Variants in HECW1 observed in about 807,000 individuals in gnomAD.
The protein encoded by HECW1 is HECT, C2 and WW domain containing E3 ubiquitin protein ligase 1.
A neutral mutation model predicts 182.3 loss-of-function variants in HECW1; 61 were observed. That is an observed-to-expected ratio of 0.33 (90% CI 0.27 to 0.41). The LOEUF (loss-of-function observed/expected upper bound fraction) is 0.41, where lower values mean the gene tolerates loss of function less well. HECW1 is among the 10% of genes least tolerant of loss of function. HECW1 has a pLI of 1.00. For missense variants in HECW1, 1,739 were observed against 2,108.9 expected (o/e 0.82, Z 3.44); for synonymous variants, 859 against 832.6 (o/e 1.03, Z -0.55).
At chr7:43,280,107 C>G (rs1008908767) in intron 3 of HECW1, among the ~76,000 whole-genome samples, 1 of 152,192 alleles carries the variant, frequency 6.6e-6, no homozygotes, top group African/African-American at 2.4e-5. Flanking sequence ...TGATAAATCT[C>G]TGTCCCAGAT....
At chr7:43,545,053 C>G (rs1245107922) in intron 26 of HECW1, among the ~76,000 whole-genome samples, 1 of 152,114 alleles carries the variant, frequency 6.6e-6, no homozygotes, top group Non-Finnish European at 1.5e-5. Context: ...CTCTTGAAGC[C>G]AGGAGTTCAA....
At chr7:43,555,775 A>G (rs1195713868) in intron 29 of HECW1, among the ~76,000 whole-genome samples, 1 of 152,182 alleles carries the variant, frequency 6.6e-6, no homozygotes, top group East Asian at 1.9e-4. Flanking sequence ...CCCTGGCTTC[A>G]CCCACTCAGT....
chr7:43,140,341 G>A (rs1788026471), intron 2 of HECW1, among the ~76,000 whole-genome samples: 1 of 152,176 alleles, frequency 6.6e-6, no homozygotes, highest in African/African-American at 2.4e-5. Context: ...AGGCCATAGA[G>A]GTGCTTCTTG....
chr7:43,274,066 G>C, intron 3 of HECW1: 2 of 330,834 alleles, frequency 6.0e-6, no homozygotes, highest in Admixed American at 4.9e-5. Flanking sequence ...GACCAGGCTG[G>C]TCTCGAACTC....
chr7:43,446,429 C>G (rs757600319), intron 11 of HECW1, among the ~76,000 whole-genome samples: 1 of 152,164 alleles, frequency 6.6e-6, no homozygotes, highest in African/African-American at 2.4e-5. Context: ...TGAAAAGTCA[C>G]ATAATAATAT....
chr7:43,527,453 T>G (rs2080803201), intron 24 of HECW1, among the ~76,000 whole-genome samples: 1 of 152,200 alleles, frequency 6.6e-6, no homozygotes, highest in Non-Finnish European at 1.5e-5. Flanking sequence ...CTCCAGTCTC[T>G]GCCTCTGTCT....
chr7:43,123,929 A>AATGAACCATTTAAGCTATAT (rs1444095389), intron 2 of HECW1, among the ~76,000 whole-genome samples: 10 of 152,246 alleles, frequency 6.6e-5, no homozygotes, highest in Non-Finnish European at 1.0e-4. Context: ...GAAAGTGTTT[A>AATGAACCATTTAAGCTATAT]ATGAACCATT....
chr7:43,542,673 T>A (rs542533938), intron 26 of HECW1, among the ~76,000 whole-genome samples: 4 of 152,274 alleles, frequency 2.6e-5, no homozygotes, highest in Non-Finnish European at 4.4e-5. Flanking sequence ...TCTGTTCAAG[T>A]CCCTGCTGTA....
chr7:43,268,166 A>C (rs977930883), intron 3 of HECW1, among the ~76,000 whole-genome samples: 1 of 151,992 alleles, frequency 6.6e-6, no homozygotes, highest in Non-Finnish European at 1.5e-5. Flanking sequence ...GTGTGTGCAG[A>C]GTCTCTGCCC....
At chr7:43,404,111 A>G (rs910945216) in intron 7 of HECW1, among the ~76,000 whole-genome samples, 3 of 152,260 alleles carry the variant, frequency 2.0e-5, no homozygotes, top group Non-Finnish European at 4.4e-5. Context: ...ACAAATTTCA[A>G]CAATGAGTGT....
At chr7:43,164,760 C>T (rs1456865323) in intron 2 of HECW1, among the ~76,000 whole-genome samples, 1 of 152,202 alleles carries the variant, frequency 6.6e-6, no homozygotes, top group Admixed American at 6.5e-5. Flanking sequence ...GTCAGATCTC[C>T]AGGACTGATG....
chr7:43,264,172 C>T (rs564721848), intron 3 of HECW1, among the ~76,000 whole-genome samples: 1 of 152,150 alleles, frequency 6.6e-6, no homozygotes, highest in East Asian at 1.9e-4. Context: ...CCATACTTCG[C>T]AATAGATCTC....
At chr7:43,154,503 G>A (rs1789668390) in intron 2 of HECW1, among the ~76,000 whole-genome samples, 1 of 152,134 alleles carries the variant, frequency 6.6e-6, no homozygotes, top group Admixed American at 6.5e-5. Context: ...CCATTCTCCA[G>A]TGAATTATAT....
At chr7:43,316,218 A>C (rs1184461403) in intron 4 of HECW1, among the ~76,000 whole-genome samples, 1 of 152,170 alleles carries the variant, frequency 6.6e-6, no homozygotes, top group Non-Finnish European at 1.5e-5. Flanking sequence ...GTAGGATTCT[A>C]CACACCAGAA....
intron 5 of HECW1, among the ~76,000 whole-genome samples, chr7:43,359,463 T>G (rs924645519): frequency 6.6e-6 from 1 of 152,242 alleles, no homozygotes; most frequent in Non-Finnish European, 1.5e-5. Context: ...GAGAAAAGCC[T>G]GAATTTCCAA....
Position 43,562,010 on chromosome 7 carries a change from A to C in HECW1, c.*84A>C. On this transcript the variant is annotated 3_prime_UTR_variant, in exon 30 of 30. Transcript: ENST00000395891. ...TCCCCTTTTCCCTTTCCCTTAATCA[A>C]CTCTCCTTTGATTTTGGTATTCCAT... is the stretch of plus-strand genomic sequence containing the variant. 2.6e-6 allele frequency: 2 copies of C among 757,890 alleles called. No individual in the cohort carries two copies. Among genetic ancestry groups the C allele is most frequent in the Non-Finnish European group, 4.5e-6 (2 of 443,194 alleles). 46.9% of individuals were successfully genotyped at this position (757,890 alleles called of 1,614,324 possible).
chr7:43,183,667 C>T (rs1430885965), intron 2 of HECW1, among the ~76,000 whole-genome samples: 2 of 151,916 alleles, frequency 1.3e-5, no homozygotes, highest in Non-Finnish European at 2.9e-5. Flanking sequence ...TGATTTTTGC[C>T]AAATTTCTGA....
intron 2 of HECW1, among the ~76,000 whole-genome samples, chr7:43,136,596 G>C (rs1288954723): frequency 6.6e-6 from 1 of 152,336 alleles, no homozygotes; most frequent in East Asian, 1.9e-4. Context: ...TTCTGGCAGT[G>C]TATGGCTGTG....
At chr7:43,128,900 A>G (rs954220479) in intron 2 of HECW1, among the ~76,000 whole-genome samples, 1 of 151,940 alleles carries the variant, frequency 6.6e-6, no homozygotes, top group African/African-American at 2.4e-5. Context: ...CTGCAGATGG[A>G]ATGGAAATAA....
Sources: allele counts gnomAD v4.1 joint callset (sites outside exome capture counted in the v4.1 genomes callset), GRCh38; gene constraint gnomAD v4.1.1; transcripts MANE v1.5; gene names NCBI Gene and HGNC (gene_info 2026-07-23, HGNC 2026-07-21).